SMARCC1: variants seen among roughly 807,000 people sequenced by gnomAD.
The protein encoded by SMARCC1 is SWI/SNF related BAF chromatin remodeling complex subunit C1.
In SMARCC1, 43 loss-of-function variants were observed where a neutral mutation model predicts 147.4. That is an observed-to-expected ratio of 0.29 (90% CI 0.23 to 0.38). The LOEUF (loss-of-function observed/expected upper bound fraction) is 0.38, where lower values mean the gene tolerates loss of function less well. SMARCC1 is among the 10% of genes least tolerant of loss of function. SMARCC1 has a pLI of 1.00. For synonymous variants in SMARCC1, 495 were observed against 484.4 expected, an observed-to-expected ratio of 1.02 and a Z score of -0.29; for missense variants, 1,119 against 1,381.1, an observed-to-expected ratio of 0.81 and a Z score of 3.01.
At chr3:47,652,215 A>G (rs1229392634) in intron 21 of SMARCC1, among the ~76,000 whole-genome samples, 1 of 152,080 alleles carries the variant, frequency 6.6e-6, no homozygotes, top group African/African-American at 2.4e-5. Flanking sequence ...GCCTAAAGCA[A>G]TTCTCCTGCC....
chr3:47,758,282 C>T (rs961651430), intron 2 of SMARCC1, among the ~76,000 whole-genome samples: 2 of 151,556 alleles, frequency 1.3e-5, no homozygotes, highest in African/African-American at 4.8e-5. Context: ...AACATGCTGA[C>T]GCTAATATTT....
chr3:47,592,597 CTTGTT>C (rs2032202333), intron 26 of SMARCC1, among the ~76,000 whole-genome samples: 1 of 152,124 alleles, frequency 6.6e-6, no homozygotes, highest in African/African-American at 2.4e-5. Context: ...GGCTGCTGGG[CTTGTT>C]TTGTTTTGTT....
chr3:47,629,317 G>A (rs1002698007), intron 24 of SMARCC1, among the ~76,000 whole-genome samples: 1 of 152,160 alleles, frequency 6.6e-6, no homozygotes, highest in Non-Finnish European at 1.5e-5. Flanking sequence ...TAAGATCCGA[G>A]ACCTCCAACC....
chr3:47,695,364 A>G lies in SMARCC1; in HGVS notation c.1166-2064T>C, dbSNP rs75624166. Among the ~76,000 whole-genome samples, 376 of 152,344 alleles carry G rather than the reference A, an allele frequency of 2.5e-3. 17 individuals are homozygous for G. The East Asian group carries it at 0.065, about 26-fold the overall frequency. ...TAATTAATTTAATGTTATGTGAAGT[A>G]TATCTCAATTAAAACAATGCTATAT... is the stretch of plus-strand genomic sequence containing the variant. On this transcript the variant is annotated intron_variant, in intron 11 of 27. Transcript: ENST00000254480.
At chr3:47,769,960 T>C (rs954895064) in intron 2 of SMARCC1, among the ~76,000 whole-genome samples, 1 of 152,096 alleles carries the variant, frequency 6.6e-6, no homozygotes, top group Non-Finnish European at 1.5e-5. Flanking sequence ...GCACGGTGGC[T>C]CACGCCTATA....
At chr3:47,629,435 C>A (rs2032858204) in intron 24 of SMARCC1, among the ~76,000 whole-genome samples, 1 of 152,160 alleles carries the variant, frequency 6.6e-6, no homozygotes, top group South Asian at 2.1e-4. Context: ...TAAGGTGGCA[C>A]ATCTTCTACC....
At chr3:47,603,061 A>C (rs530113579) in intron 26 of SMARCC1, among the ~76,000 whole-genome samples, 1 of 152,272 alleles carries the variant, frequency 6.6e-6, no homozygotes, top group African/African-American at 2.4e-5. Flanking sequence ...ATTTCCTTCT[A>C]ACTTAATGAT....
At chr3:47,751,798 C>T (rs1027973409) in intron 2 of SMARCC1, among the ~76,000 whole-genome samples, 2 of 151,914 alleles carry the variant, frequency 1.3e-5, no homozygotes, top group African/African-American at 4.8e-5. Context: ...GAGATAAAAA[C>T]CTTGGCCAGG....
chr3:47,657,207 T>C (rs557666581), intron 21 of SMARCC1, among the ~76,000 whole-genome samples: 24 of 152,256 alleles, frequency 1.6e-4, no homozygotes, highest in African/African-American at 5.3e-4. Context: ...GAGAGAGGTA[T>C]GCAAAAGATA....
chr3:47,728,631 G>A (rs1475919184), intron 6 of SMARCC1, among the ~76,000 whole-genome samples: 1 of 152,110 alleles, frequency 6.6e-6, no homozygotes, highest in Non-Finnish European at 1.5e-5. Context: ...TGTTGGCTGG[G>A]CGCAGTGGCT....
chr3:47,710,213 A>G (rs2106797712), intron 9 of SMARCC1, among the ~76,000 whole-genome samples: 1 of 152,234 alleles, frequency 6.6e-6, no homozygotes, highest in South Asian at 2.1e-4. Flanking sequence ...GCTACTTGGG[A>G]GGCTTGAGGC....
At chr3:47,702,979 A>T (rs2033944620) in intron 10 of SMARCC1, among the ~76,000 whole-genome samples, 1 of 151,976 alleles carries the variant, frequency 6.6e-6, no homozygotes. Context: ...CAGGCTGGAG[A>T]GAAGTGGCAC....
intron 24 of SMARCC1, among the ~76,000 whole-genome samples, chr3:47,634,219 T>C (rs1479828080): frequency 6.6e-6 from 1 of 152,170 alleles, no homozygotes; most frequent in Non-Finnish European, 1.5e-5. Context: ...GATTTCGAGT[T>C]AGTATAATAA....
chr3:47,598,423 G>A (rs568085299), intron 26 of SMARCC1, among the ~76,000 whole-genome samples: 32 of 152,238 alleles, frequency 2.1e-4, no homozygotes, highest in South Asian at 1.7e-3. Context: ...CACCAAGTCC[G>A]ACCTGGACAG....
intron 10 of SMARCC1, among the ~76,000 whole-genome samples, chr3:47,705,188 G>T (rs2033976555): frequency 6.6e-6 from 1 of 151,636 alleles, no homozygotes; most frequent in African/African-American, 2.4e-5. Context: ...AGCTGGGCGT[G>T]GTGGCACGAG....
At chr3:47,706,613 C>A in intron 9 of SMARCC1, 83 bp from the exon 10 acceptor site, 1 of 1,253,378 alleles carries the variant, frequency 8.0e-7, no homozygotes, top group Non-Finnish European at 1.1e-6. Flanking sequence ...TGAATCTCCA[C>A]ACACAAAGAC....
chr3:47,737,955 G>T, intron 4 of SMARCC1, 74 bp downstream of exon 4: 2 of 1,066,524 alleles, frequency 1.9e-6, no homozygotes, highest in Non-Finnish European at 2.7e-6. Context: ...GAGCCACCGC[G>T]CCTGGCCAGC....
intron 15 of SMARCC1, among the ~76,000 whole-genome samples, chr3:47,678,946 G>A (rs1251694775): frequency 6.6e-6 from 1 of 152,158 alleles, no homozygotes; most frequent in African/African-American, 2.4e-5. Flanking sequence ...ATTTCTCACA[G>A]CAGTTCTTTA....
chr3:47,598,178 C>T (rs1354097141), intron 26 of SMARCC1, among the ~76,000 whole-genome samples: 1 of 152,156 alleles, frequency 6.6e-6, no homozygotes, highest in Non-Finnish European at 1.5e-5. Flanking sequence ...TTGTTTTCCA[C>T]ACTCTAAATC....
Sources: gnomAD v4.1 joint callset for allele counts (sites outside exome capture counted in the v4.1 genomes callset) on GRCh38, gnomAD v4.1.1 for gene constraint, MANE v1.5 for transcripts, NCBI Gene and HGNC (gene_info 2026-07-23, HGNC 2026-07-21) for gene names.